ARHGAP10: variants seen among roughly 807,000 people sequenced by gnomAD.
The protein encoded by ARHGAP10 is rho GTPase-activating protein 10.
A neutral mutation model predicts 108.6 loss-of-function variants in ARHGAP10; 87 were observed. The observed-to-expected ratio is 0.80, with a 90% confidence interval of 0.67 to 0.96. ARHGAP10 has a LOEUF of 0.96. Ranked by LOEUF, ARHGAP10 falls within the 40% of genes least tolerant of loss-of-function variation. The pLI is 0.00. For missense variants in ARHGAP10, 939 were observed against 954.5 expected (o/e 0.98, Z 0.21); for synonymous variants, 347 against 341.1 (o/e 1.02, Z -0.19).
intron 16 of ARHGAP10, among the ~76,000 whole-genome samples, chr4:147,957,715 G>A (rs558910788): frequency 1.3e-5 from 2 of 152,170 alleles, no homozygotes; most frequent in South Asian, 4.2e-4. Flanking sequence ...AGTTCTCAAG[G>A]TTTCTCCTGG....
intron 18 of ARHGAP10, among the ~76,000 whole-genome samples, chr4:147,999,374 T>C (rs912107262): frequency 6.6e-6 from 1 of 152,208 alleles, no homozygotes; most frequent in African/African-American, 2.4e-5. Context: ...CTATTAAATC[T>C]TGCAACTACA....
rs1005469798 is a variant in ARHGAP10, at chr4:147,831,977, A to C, written c.312+9020A>C. ...TCCAGCCTTGTCATCATCAGATTCT[A>C]CTTCCCTGTTGAAACTTACATTTCC... On this transcript the variant is annotated intron_variant, in intron 3 of 22. Transcript: ENST00000336498. 4.6e-5 allele frequency among the ~76,000 whole-genome samples: 7 copies of C among 152,050 alleles called. 1 individual carries two copies. The highest frequency in any genetic ancestry group is 4.6e-4 in the Admixed American group (7 of 15,248).
intron 1 of ARHGAP10, among the ~76,000 whole-genome samples, chr4:147,746,425 G>A (rs991656126): frequency 7.0e-6 from 1 of 143,228 alleles, no homozygotes; most frequent in African/African-American, 2.6e-5. Context: ...TTTTTGAGAT[G>A]GAGTTTTGCT....
chr4:147,970,359 G>A (rs1390448373), intron 18 of ARHGAP10, among the ~76,000 whole-genome samples: 1 of 151,964 alleles, frequency 6.6e-6, no homozygotes, highest in East Asian at 1.9e-4. Flanking sequence ...AAACGAGAGA[G>A]GGAGTAAGGA....
chr4:147,957,137 G>T (rs940134858), intron 16 of ARHGAP10, among the ~76,000 whole-genome samples: 1 of 152,098 alleles, frequency 6.6e-6, no homozygotes, highest in Non-Finnish European at 1.5e-5. Context: ...TGGATGACAG[G>T]ACCGTCAGAA....
chr4:148,070,656 G>T (rs1432993829), intron 22 of ARHGAP10, among the ~76,000 whole-genome samples: 1 of 152,248 alleles, frequency 6.6e-6, no homozygotes, highest in Non-Finnish European at 1.5e-5. Flanking sequence ...TGCGCGCAGT[G>T]AGGGTAAGAG....
rs1274936596 is a variant in ARHGAP10, at chr4:147,758,263, C to G, written c.154+25808C>G. 1.1e-4 allele frequency among the ~76,000 whole-genome samples: 10 copies of G among 89,104 alleles called. No individual in the cohort carries two copies. In the Admixed American group the frequency reaches 1.2e-3, roughly 10 times the overall value. 58.5% of individuals were successfully genotyped at this position (89,104 alleles called of 152,430 possible). A position where few individuals can be genotyped will look rare whatever the true frequency, so the allele number is the denominator to read the frequency against. On this transcript the variant is annotated intron_variant, in intron 1 of 22. Transcript: ENST00000336498. ...GGGCAACAAGAGCGAAACTTCATCT[C>G]AAAAAAAAAAAAAAAGATTTTGATG...
intron 15 of ARHGAP10, among the ~76,000 whole-genome samples, chr4:147,947,479 T>G (rs1486409988): frequency 1.3e-5 from 2 of 151,982 alleles, no homozygotes; most frequent in African/African-American, 4.8e-5. Context: ...CTTGGCTCAC[T>G]GCAACCTCTG....
chr4:147,886,782 T>C (rs1269853032), intron 10 of ARHGAP10, among the ~76,000 whole-genome samples: 1 of 152,194 alleles, frequency 6.6e-6, no homozygotes, highest in African/African-American at 2.4e-5. Flanking sequence ...TTCTTTTTCT[T>C]TTCTTTGAGA....
intron 1 of ARHGAP10, among the ~76,000 whole-genome samples, chr4:147,788,288 T>A (rs1730976834): frequency 6.6e-6 from 1 of 151,050 alleles, no homozygotes; most frequent in Non-Finnish European, 1.5e-5. Flanking sequence ...CTATTAAAAA[T>A]AAAAAAAAAT....
chr4:148,064,440 C>A lies in ARHGAP10; in HGVS notation c.2205C>A (p.Ala735=). The change falls in exon 22 of 23, where the codon GCC becomes GCA. Residue 735 remains alanine (A), a synonymous_variant. Transcript: ENST00000336498. ...PESIRSRKAR[A]VYPCEAEHSS... is the part of the protein sequence containing the mutation. Reference sequence around the variant, plus strand: ...GCATCCGCAGTCGGAAGGCTCGAGCCGTGTATCCGTGTGAAGCAGAACACA... The same window carrying A: ...GCATCCGCAGTCGGAAGGCTCGAGCAGTGTATCCGTGTGAAGCAGAACACA... 6.2e-7 allele frequency: 1 copy of A among 1,613,916 alleles called. No individual in the cohort carries two copies. Among genetic ancestry groups the A allele is most frequent in the Non-Finnish European group, 8.5e-7 (1 of 1,179,968 alleles).
At chr4:147,994,672 G>A (rs555857176) in intron 18 of ARHGAP10, among the ~76,000 whole-genome samples, 14 of 152,222 alleles carry the variant, frequency 9.2e-5, no homozygotes, top group Non-Finnish European at 1.6e-4. Flanking sequence ...TGCTTTATTC[G>A]TAGATTGAAA....
chr4:147,973,687 C>T (rs1170106084), intron 18 of ARHGAP10, among the ~76,000 whole-genome samples: 1 of 152,174 alleles, frequency 6.6e-6, no homozygotes, highest in Admixed American at 6.5e-5. Flanking sequence ...CGCCACTGCT[C>T]ACTACCCTCC....
chr4:147,867,466 T>C (rs1335360313), intron 7 of ARHGAP10, among the ~76,000 whole-genome samples: 1 of 152,194 alleles, frequency 6.6e-6, no homozygotes, highest in Non-Finnish European at 1.5e-5. Flanking sequence ...ATTAGGAATG[T>C]AGTGAGATAG....
In ARHGAP10 at chr4:147,810,682, C is replaced by T. The variant is rs373156378; in HGVS notation, c.155-12045C>T. On this transcript the variant is annotated intron_variant, in intron 1 of 22. Transcript: ENST00000336498. Reference sequence around the variant, plus strand: ...TAAATGCACATACAGTGATTTGCCTCCACATCAAAGACCTCTCTGTAGTGC... The same window carrying T: ...TAAATGCACATACAGTGATTTGCCTTCACATCAAAGACCTCTCTGTAGTGC... 3.6e-4 allele frequency among the ~76,000 whole-genome samples: 55 copies of T among 152,272 alleles called. No homozygotes were observed. In the South Asian group the frequency reaches 7.9e-3, roughly 22 times the overall value.
At chr4:148,043,788 G>GTGTA (rs1553975442) in intron 19 of ARHGAP10, among the ~76,000 whole-genome samples, 6 of 143,514 alleles carry the variant, frequency 4.2e-5, no homozygotes, top group African/African-American at 1.5e-4. Context: ...ATATATATAT[G>GTGTA]TATATATATA....
chr4:147,775,932 A>G (rs1278761636), intron 1 of ARHGAP10, among the ~76,000 whole-genome samples: 1 of 152,186 alleles, frequency 6.6e-6, no homozygotes, highest in Non-Finnish European at 1.5e-5. Context: ...CGTTTTACAC[A>G]CTAGGAAACT....
intron 18 of ARHGAP10, among the ~76,000 whole-genome samples, chr4:147,973,729 A>G (rs191194674): frequency 3.9e-5 from 6 of 152,178 alleles, no homozygotes; most frequent in East Asian, 3.9e-4. Flanking sequence ...TCTGTTCTCT[A>G]TCTTCATGAG....
At chr4:147,741,478 G>GT in intron 1 of ARHGAP10, among the ~76,000 whole-genome samples, 1 of 152,222 alleles carries the variant, frequency 6.6e-6, no homozygotes. Context: ...AATGATGTTT[G>GT]TATAAACACA....
Sources: gnomAD v4.1 joint callset for allele counts (sites outside exome capture counted in the v4.1 genomes callset) on GRCh38, gnomAD v4.1.1 for gene constraint, MANE v1.5 for transcripts, NCBI Gene and HGNC (gene_info 2026-07-23, HGNC 2026-07-21) for gene names.